Variants in RBBP5 observed in about 807,000 individuals in gnomAD.
RBBP5 encodes RB binding protein 5, histone lysine methyltransferase complex subunit, also known as retinoblastoma-binding protein 5.
Under a neutral mutation model 72.2 loss-of-function variants are expected in RBBP5, and 5 were observed. The ratio of observed to expected loss-of-function variants is 0.07; its 90% confidence interval spans 0.04 to 0.15. The LOEUF is 0.15. RBBP5 is among the 10% of genes least tolerant of loss of function. The probability of loss-of-function intolerance (pLI) is 1.00; values close to 1 mark genes in which losing one functional copy is unlikely to be tolerated. For synonymous variants in RBBP5, 209 were observed against 237.2 expected (o/e 0.88, Z 1.09); for missense variants, 322 against 652.2 (o/e 0.49, Z 5.51).
chr1:205,093,983 A>C (rs1268914711), intron 13 of RBBP5, among the ~76,000 whole-genome samples: 1 of 152,206 alleles, frequency 6.6e-6, no homozygotes, highest in East Asian at 1.9e-4. Flanking sequence ...TATTAACTAA[A>C]GCAGTGCTTC....
At position 205,092,165 on chromosome 1, in the gene RBBP5, A is replaced by C. The variant is rs557954271; in HGVS notation, c.1588+2708T>G. Among the ~76,000 whole-genome samples, 4 of 152,300 alleles carry C rather than the reference A, an allele frequency of 2.6e-5. 1 individual carries two copies. The South Asian group carries it at 8.3e-4, about 32-fold the overall frequency. ...GACTTTTGATGGAATTATCTGTGATATCCAATTTCATCACTCTCCCCAAAA... is the reference window on the plus strand; with the variant it reads ...GACTTTTGATGGAATTATCTGTGATCTCCAATTTCATCACTCTCCCCAAAA... On this transcript the variant is annotated intron_variant, in intron 13 of 13. Transcript: ENST00000264515.
rs1655172066 is a variant in RBBP5, at chr1:205,087,287, C to T, written c.*1500G>A. ...TCTCCACTCACTGCAACCTCTGCCT[C>T]CCACGTTCAAGTGATTCTCCTGACT... On this transcript the variant is annotated 3_prime_UTR_variant, in exon 14 of 14. Coordinates refer to ENST00000264515, the MANE Select transcript of RBBP5 (RefSeq NM_005057.4). 1 of 151,568 alleles carries T rather than the reference C, an allele frequency of 6.6e-6. No individual in the cohort carries two copies. The highest frequency in any genetic ancestry group is 1.9e-4 in the East Asian group (1 of 5,134). The allele number at this position is 151,568 out of a possible 1,614,324, so 9.4% of individuals were successfully genotyped here. A position where few individuals can be genotyped will look rare whatever the true frequency, so the allele number is the denominator to read the frequency against.
In RBBP5 at chr1:205,099,675, T is replaced by C. The variant is rs1392258481; in HGVS notation, c.978+66A>G. On this transcript the variant is annotated intron_variant, in intron 9 of 13. Transcript: ENST00000264515. The surrounding 1 kb of genome is among the most constrained non-coding windows in gnomAD (Gnocchi z 4.7). Reference sequence around the variant, plus strand: ...TAAAAATGTAATTTTTAGCTTCCTATGTATAAGGTTCTTTGATAAAAAGAA... The same window carrying C: ...TAAAAATGTAATTTTTAGCTTCCTACGTATAAGGTTCTTTGATAAAAAGAA... The C allele has an allele frequency of 2.1e-6, 3 of 1,419,894 alleles. No individual in the cohort carries two copies. The highest frequency in any genetic ancestry group is 2.9e-5 in the African/African-American group (2 of 69,126). 88.0% of individuals were successfully genotyped at this position (1,419,894 alleles called of 1,614,324 possible).
intron 12 of RBBP5, among the ~76,000 whole-genome samples, chr1:205,096,462 T>G (rs915598826): frequency 1.3e-5 from 2 of 152,196 alleles, no homozygotes; most frequent in Non-Finnish European, 2.9e-5. Flanking sequence ...AGAATTAAAG[T>G]GCAGCATCTT....
rs540612441 is a variant in RBBP5, at chr1:205,119,569, C to T, written c.19+2286G>A. Among the ~76,000 whole-genome samples, 14 of 152,164 alleles carry T rather than the reference C, an allele frequency of 9.2e-5. No individual in the cohort carries two copies. The South Asian group carries it at 2.9e-3, about 32-fold the overall frequency. On this transcript the variant is annotated intron_variant, in intron 1 of 13. Transcript: ENST00000264515. ...AGCGTCAACCTTTTGCCCTTGTCTC[C>T]CACACCATTCTAAAATCATTGTAAT...
At chr1:205,110,271 C>T (rs1443317091) in intron 3 of RBBP5, among the ~76,000 whole-genome samples, 1 of 152,102 alleles carries the variant, frequency 6.6e-6, no homozygotes, top group Non-Finnish European at 1.5e-5. Flanking sequence ...TGGTGAGCCT[C>T]GGCCTCTGAA....
At chr1:205,110,339 T>A (rs1267139184) in intron 3 of RBBP5, among the ~76,000 whole-genome samples, 1 of 152,082 alleles carries the variant, frequency 6.6e-6, no homozygotes, top group Non-Finnish European at 1.5e-5. Context: ...CAGTTCTGCT[T>A]CTACATCCTG....
chr1:205,115,838 C>A lies in RBBP5; in HGVS notation c.45+20G>T, dbSNP rs552065313. The A allele has an allele frequency of 6.3e-7, 1 of 1,583,110 alleles. No homozygotes were observed. Among genetic ancestry groups the A allele is most frequent in the Non-Finnish European group, 8.6e-7 (1 of 1,168,714 alleles). ...AGAAGTTACTATGTTCCTAAAATCA[C>A]CACAATACTATACTCTTACCTCTGG... On this transcript the variant is annotated intron_variant, in intron 2 of 13. Transcript: ENST00000264515.
intron 13 of RBBP5, among the ~76,000 whole-genome samples, chr1:205,089,028 T>G (rs1655235124): frequency 6.6e-6 from 1 of 152,178 alleles, no homozygotes; most frequent in African/African-American, 2.4e-5. Flanking sequence ...CCCAATACTT[T>G]CCTCAGTACT....
At chr1:205,097,455 A>T in intron 10 of RBBP5, 60 bp from the exon 11 acceptor site, 1 of 1,464,088 alleles carries the variant, frequency 6.8e-7, no homozygotes, top group Non-Finnish European at 9.4e-7. Flanking sequence ...TTTTATTTGC[A>T]GCTTCAAGGT....
At chr1:205,094,462 A>G (rs1655534948) in intron 13 of RBBP5, among the ~76,000 whole-genome samples, 1 of 152,238 alleles carries the variant, frequency 6.6e-6, no homozygotes, top group Admixed American at 6.5e-5. Context: ...ACTTCTGGCT[A>G]CTTGTCTGGC....
chr1:205,121,052 C>T (rs1414014816), intron 1 of RBBP5, among the ~76,000 whole-genome samples: 2 of 152,136 alleles, frequency 1.3e-5, no homozygotes, highest in East Asian at 3.9e-4. Context: ...TGACAATTAA[C>T]ATATCTTCTG....
At position 205,086,949 on chromosome 1, in the gene RBBP5, A is replaced by C. The variant is rs1425893650; in HGVS notation, c.*1838T>G. On this transcript the variant is annotated 3_prime_UTR_variant, in exon 14 of 14. Transcript: ENST00000264515. Reference sequence around the variant, plus strand: ...GTCTAGTGAGCCATCTACTAATCTCAACCACTGGTCTAACTCATGACAGTC... The same window carrying C: ...GTCTAGTGAGCCATCTACTAATCTCCACCACTGGTCTAACTCATGACAGTC... 2 of 152,370 alleles carry C rather than the reference A, an allele frequency of 1.3e-5. No individual in the cohort carries two copies. The highest frequency in any genetic ancestry group is 3.9e-4 in the East Asian group (2 of 5,186). 9.4% of individuals were successfully genotyped at this position (152,370 alleles called of 1,614,324 possible). A position where few individuals can be genotyped will look rare whatever the true frequency, so the allele number is the denominator to read the frequency against.
At chr1:205,092,917 C>T (rs756911808) in intron 13 of RBBP5, among the ~76,000 whole-genome samples, 2 of 152,252 alleles carry the variant, frequency 1.3e-5, no homozygotes, top group Middle Eastern at 3.4e-3. Context: ...GGGATAGACA[C>T]GTTTTAAGAA....
At chr1:205,091,768 C>G (rs772316572) in intron 13 of RBBP5, 16 of 152,216 alleles carry the variant, frequency 1.1e-4, no homozygotes, top group Non-Finnish European at 2.4e-4. Context: ...TGATTTGACT[C>G]AAATGCTGAA....
chr1:205,117,532 T>C (rs1486388435), intron 1 of RBBP5, among the ~76,000 whole-genome samples: 6 of 151,302 alleles, frequency 4.0e-5, no homozygotes, highest in Admixed American at 3.9e-4. Flanking sequence ...TGGTGGCGCA[T>C]GCCTGTAATC....
chr1:205,095,667 A>C (rs1194334223), intron 12 of RBBP5, among the ~76,000 whole-genome samples: 1 of 152,222 alleles, frequency 6.6e-6, no homozygotes, highest in East Asian at 1.9e-4. Flanking sequence ...GACTAGAATG[A>C]GAATCCTGAC....
intron 5 of RBBP5, 78 bp from the exon 6 acceptor site, chr1:205,101,787 G>T: frequency 9.9e-7 from 1 of 1,011,212 alleles, no homozygotes. Flanking sequence ...TTCTAATACT[G>T]CGTAAAGACT....
chr1:205,086,609 T>C lies in RBBP5; in HGVS notation c.*2178A>G, dbSNP rs913036796. On this transcript the variant is annotated 3_prime_UTR_variant, in exon 14 of 14. Coordinates refer to ENST00000264515, the MANE Select transcript of RBBP5 (RefSeq NM_005057.4). ...ACAAAAAGGAAGAAGAGAATATACA[T>C]ATATTGTACAAATCAAATAATTCAA... 4 of 152,002 alleles carry C rather than the reference T, an allele frequency of 2.6e-5. No homozygotes were observed. Among genetic ancestry groups the C allele is most frequent in the African/African-American group, 9.7e-5 (4 of 41,366 alleles). 9.4% of individuals were successfully genotyped at this position (152,002 alleles called of 1,614,324 possible).
Sources: gnomAD v4.1 joint callset for allele counts (sites outside exome capture counted in the v4.1 genomes callset) on GRCh38, gnomAD v4.1.1 for gene constraint, Gnocchi (gnomAD v3.1) non-coding constraint, MANE v1.5 for transcripts, NCBI Gene and HGNC (gene_info 2026-07-23, HGNC 2026-07-21) for gene names.